CALCOCO2: variants seen among roughly 807,000 people sequenced by gnomAD.
CALCOCO2 encodes calcium-binding and coiled-coil domain-containing protein 2.
CALCOCO2 carries 42 observed loss-of-function variants against 62.5 expected under a neutral mutation model. The ratio of observed to expected loss-of-function variants is 0.67; its 90% confidence interval spans 0.53 to 0.87. The LOEUF (loss-of-function observed/expected upper bound fraction) is 0.87, where lower values mean the gene tolerates loss of function less well. CALCOCO2 is among the 40% of genes least tolerant of loss of function. The pLI is 0.00. For synonymous variants in CALCOCO2, 167 were observed against 173.0 expected, an observed-to-expected ratio of 0.97 and a Z score of 0.27; for missense variants, 456 against 515.0, an observed-to-expected ratio of 0.89 and a Z score of 1.11.
intron 9 of CALCOCO2, 118 bp downstream of exon 9, chr17:48,853,130 T>C (rs1189530036): frequency 1.5e-6 from 1 of 674,574 alleles, no homozygotes; most frequent in African/African-American, 1.8e-5. Context: ...CACCTCTAGA[T>C]GTTTTGCTTT....
At chr17:48,832,602 G>T (rs2039830794) in intron 1 of CALCOCO2, among the ~76,000 whole-genome samples, 1 of 152,154 alleles carries the variant, frequency 6.6e-6, no homozygotes, top group African/African-American at 2.4e-5. Context: ...GCCAGAAAAG[G>T]GTACTGTGAC....
intron 2 of CALCOCO2, chr17:48,846,568 C>A: frequency 1.3e-6 from 1 of 786,502 alleles, no homozygotes; most frequent in South Asian, 1.5e-5. Flanking sequence ...TAGGCCTTCC[C>A]AATGATATTT....
chr17:48,857,778 T>C (rs2040241180), intron 10 of CALCOCO2, among the ~76,000 whole-genome samples: 1 of 148,330 alleles, frequency 6.7e-6, no homozygotes, highest in African/African-American at 2.5e-5. Flanking sequence ...ATCGAGACCA[T>C]CCTGGCTAAC....
At position 48,848,122 on chromosome 17, in the gene CALCOCO2, A is replaced by T. The variant is rs1215504168; in HGVS notation, c.239A>T (p.Asp80Val). The change falls in exon 3 of 13, where the codon GAC becomes GTC. Residue 80 changes from aspartate to valine, a missense_variant. This residue lies in a region of CALCOCO2 where 236 missense variants were observed against 225.3 expected (regional missense o/e 1.05). Transcript: ENST00000258947. ...YTFMWVTLPI[D>V]LNNKSAKQQE... The stretch of plus-strand genomic sequence containing the variant: ...TTCATGTGGGTTACTTTGCCCATTG[A>T]CCTAAACAACAAATCAGCTAAACAG... 1 of 1,613,558 alleles carries T rather than the reference A, an allele frequency of 6.2e-7. No individual in the cohort carries two copies. Among genetic ancestry groups the T allele is most frequent in the African/African-American group, 1.3e-5 (1 of 74,880 alleles).
rs753359294 is a variant in CALCOCO2, at chr17:48,848,200, C to T, written c.283+34C>T. ...AATACTGGATCAAAGGTGTTGAAGACAGTAGCCAAGACTAATTAATTCCCT... is the reference window on the plus strand; with the variant it reads ...AATACTGGATCAAAGGTGTTGAAGATAGTAGCCAAGACTAATTAATTCCCT... On this transcript the variant is annotated intron_variant, in intron 3 of 12. Coordinates refer to ENST00000258947, the MANE Select transcript of CALCOCO2 (RefSeq NM_005831.5). 3.3e-6 allele frequency: 5 copies of T among 1,535,978 alleles called. No homozygotes were observed. In the African/African-American group the frequency reaches 4.1e-5, roughly 13 times the overall value.
intron 11 of CALCOCO2, among the ~76,000 whole-genome samples, chr17:48,861,479 G>A (rs2040325293): frequency 6.6e-6 from 1 of 151,972 alleles, no homozygotes; most frequent in East Asian, 2.0e-4. Flanking sequence ...GCCTCCCAAA[G>A]TGCTGGGATA....
chr17:48,855,819 A>G (rs943108397), intron 9 of CALCOCO2: 5 of 205,266 alleles, frequency 2.4e-5, no homozygotes, highest in Middle Eastern at 1.6e-3. Context: ...ATTTTCCCCA[A>G]GGTTGCTTTT....
intron 1 of CALCOCO2, among the ~76,000 whole-genome samples, chr17:48,837,988 T>C (rs187280295): frequency 3.9e-5 from 6 of 152,246 alleles, no homozygotes; most frequent in East Asian, 1.9e-4. Context: ...GTGGCTTACA[T>C]TGAAGCAGGA....
intron 12 of CALCOCO2, 24 bp downstream of exon 12, chr17:48,862,328 AT>A: frequency 6.5e-7 from 1 of 1,533,116 alleles, no homozygotes; most frequent in Non-Finnish European, 9.0e-7. Flanking sequence ...TCATGAGAAT[AT>A]TCCCACAAAG....
In CALCOCO2 at chr17:48,852,515, T is replaced by C. The variant is rs749735211; in HGVS notation, c.712T>C (p.Ser238Pro). 6.2e-7 allele frequency: 1 copy of C among 1,613,320 alleles called. No individual in the cohort carries two copies. The change falls in exon 8 of 13, where the codon TCA becomes CCA. Residue 238 changes from serine (S) to proline (P), a missense_variant. By Grantham distance (74) the Ser-to-Pro change is moderately conservative (BLOSUM62 -1). Coordinates refer to ENST00000258947, the MANE Select transcript of CALCOCO2 (RefSeq NM_005831.5). Reference sequence around the variant, plus strand: ...ACTATTTTTGTTTTAGGCCCAGCTGTCAACTCAAGAGAAAGAAATGGAGAA... The same window carrying C: ...ACTATTTTTGTTTTAGGCCCAGCTGCCAACTCAAGAGAAAGAAATGGAGAA... ...IRVDQLQAQL[S>P]TQEKEMEKLV...
At chr17:48,851,857 C>T (rs960554184) in intron 7 of CALCOCO2, among the ~76,000 whole-genome samples, 1 of 151,872 alleles carries the variant, frequency 6.6e-6, no homozygotes, top group Admixed American at 6.6e-5. Context: ...CACAGCCGGG[C>T]GCAGTGGCTC....
intron 11 of CALCOCO2, 112 bp downstream of exon 11, chr17:48,860,561 TG>T: frequency 1.1e-6 from 1 of 906,322 alleles, no homozygotes; most frequent in South Asian, 1.6e-5. Flanking sequence ...TAAGACTTGC[TG>T]GGCAGAAGCT....
chr17:48,852,481 G>A, intron 7 of CALCOCO2, 25 bp from the exon 8 acceptor site: 2 of 1,602,604 alleles, frequency 1.2e-6, no homozygotes, highest in Non-Finnish European at 1.7e-6. Context: ...TTATATCTTG[G>A]TTATGTTCAC....
At position 48,860,406 on chromosome 17, in the gene CALCOCO2, C is replaced by T. The variant is rs377343129; in HGVS notation, c.1101C>T (p.Gly367=). The T allele has an allele frequency of 1.9e-6, 3 of 1,613,576 alleles. No homozygotes were observed. The highest frequency in any genetic ancestry group is 2.2e-5 in the South Asian group (2 of 91,084). ...PYQVPTSDEG[G]ARQNPGLAYG... is the part of the protein sequence containing the mutation. ...AAGTACCTACTTCAGATGAAGGAGGCGCAAGACAAAATCCAGGACTTGCCT... is the reference window on the plus strand; with the variant it reads ...AAGTACCTACTTCAGATGAAGGAGGTGCAAGACAAAATCCAGGACTTGCCT... The change falls in exon 11 of 13, where the codon GGC becomes GGT. Residue 367 remains glycine, a synonymous_variant. Transcript: ENST00000258947.
rs1305797685 is a variant in CALCOCO2 at position 48,848,440 on chromosome 17, G to A, written c.402G>A (p.Leu134=). ...QFRPENEEDI[L]VVTTQGEVEE... ...GTCCAGAAAATGAGGAAGACATCCT[G>A]GTTGTTACCACTCAGGTTTGTAAAA... Residue 134 remains leucine (L), a synonymous_variant, in exon 4 of 13, where the codon CTG becomes CTA. Transcript: ENST00000258947. 1 of 1,613,950 alleles carries A rather than the reference G, an allele frequency of 6.2e-7. No individual in the cohort carries two copies. Among genetic ancestry groups the A allele is most frequent in the Admixed American group, 1.7e-5 (1 of 60,000 alleles).
intron 2 of CALCOCO2, among the ~76,000 whole-genome samples, chr17:48,845,853 T>C (rs770728334): frequency 1.7e-4 from 26 of 152,200 alleles, no homozygotes; most frequent in Non-Finnish European, 3.4e-4. Context: ...GATGGTGACT[T>C]TCCCAAGGCC....
chr17:48,840,286 C>T (rs184249530), intron 1 of CALCOCO2, among the ~76,000 whole-genome samples: 2 of 152,182 alleles, frequency 1.3e-5, no homozygotes, highest in East Asian at 1.9e-4. Flanking sequence ...AGCACCACCA[C>T]GCCCAGCTAA....
chr17:48,847,917 A>G (rs2040074231), intron 2 of CALCOCO2, 147 bp from the exon 3 acceptor site: 1 of 571,528 alleles, frequency 1.7e-6, no homozygotes, highest in African/African-American at 1.9e-5. Flanking sequence ...GGCCTCCCAA[A>G]GTGCTAGGAT....
chr17:48,849,608 C>T (rs1423554829), intron 5 of CALCOCO2, among the ~76,000 whole-genome samples: 4 of 152,012 alleles, frequency 2.6e-5, no homozygotes, highest in South Asian at 4.1e-4. Flanking sequence ...CAGGTTCAAG[C>T]GATTCTCCTG....
Sources: gnomAD v4.1 joint callset for allele counts (sites outside exome capture counted in the v4.1 genomes callset) on GRCh38, gnomAD v4.1.1 for gene constraint, gnomAD v4.1.1 regional missense constraint, MANE v1.5 for transcripts, NCBI Gene and HGNC (gene_info 2026-07-23, HGNC 2026-07-21) for gene names.